The following VEZT variants were observed in gnomAD, a reference collection of about 807,000 sequenced individuals.
The protein encoded by VEZT is vezatin, adherens junctions transmembrane protein.
A neutral mutation model predicts 79.9 loss-of-function variants in VEZT; 39 were observed. The observed-to-expected ratio is 0.49, with a 90% confidence interval of 0.38 to 0.64. The LOEUF is 0.64. Ranked by LOEUF, VEZT falls within the 30% of genes least tolerant of loss-of-function variation. The pLI, the probability that VEZT is intolerant of heterozygous loss-of-function variation, is 0.00. For synonymous variants in VEZT, 325 were observed against 327.6 expected (o/e 0.99, Z 0.09); for missense variants, 837 against 893.1 (o/e 0.94, Z 0.80).
intron 1 of VEZT, chr12:95,218,446 T>G (rs1397329229): frequency 6.6e-6 from 1 of 152,278 alleles, no homozygotes; most frequent in Non-Finnish European, 1.5e-5. Flanking sequence ...TTTTGTCCTT[T>G]GCTGTTGCGC....
chr12:95,235,337 G>T (rs1366240580), intron 1 of VEZT, among the ~76,000 whole-genome samples: 2 of 135,634 alleles, frequency 1.5e-5, no homozygotes, highest in Admixed American at 7.2e-5. Flanking sequence ...GGGCAGAGGG[G>T]CTCCTCACTT....
rs770044834 is a variant in VEZT, at chr12:95,270,144, C to T, written c.804C>T (p.Ala268=). ...AAGCTGTCTACCGAACTCTAAGAGCCAACTTCCAAGCAGCAAGGCTAGCTA... is the reference window on the plus strand; with the variant it reads ...AAGCTGTCTACCGAACTCTAAGAGCTAACTTCCAAGCAGCAAGGCTAGCTA... The part of the protein sequence containing the change: ...LRKAVYRTLR[A]NFQAARLATL... Residue 268 remains alanine (A), a synonymous_variant, in exon 6 of 12, where the codon GCC becomes GCT. Transcript: ENST00000436874. 6 of 1,610,970 alleles carry T rather than the reference C, an allele frequency of 3.7e-6. No homozygotes were observed. The highest frequency in any genetic ancestry group is 4.2e-6 in the Non-Finnish European group (5 of 1,178,738).
chr12:95,232,907 G>T (rs973231238), intron 1 of VEZT, among the ~76,000 whole-genome samples: 1 of 152,050 alleles, frequency 6.6e-6, no homozygotes, highest in African/African-American at 2.4e-5. Flanking sequence ...CCAAGCTCAA[G>T]CGGTCCTCCT....
At chr12:95,247,264 C>A (rs1163875596) in intron 1 of VEZT, among the ~76,000 whole-genome samples, 3 of 152,196 alleles carry the variant, frequency 2.0e-5, no homozygotes, top group Non-Finnish European at 2.9e-5. Context: ...TTTGATACTA[C>A]AATGATCAGA....
intron 3 of VEZT, among the ~76,000 whole-genome samples, chr12:95,261,004 G>GT (rs1431348889): frequency 1.9e-5 from 1 of 53,118 alleles, no homozygotes; most frequent in South Asian, 5.3e-4. Flanking sequence ...TCAGTAGATG[G>GT]TAAAAAAAAA....
chr12:95,254,580 C>A (rs977105197), intron 2 of VEZT, among the ~76,000 whole-genome samples: 5 of 152,052 alleles, frequency 3.3e-5, no homozygotes, highest in African/African-American at 1.2e-4. Flanking sequence ...CTCCTGACCT[C>A]AAGTGATCCG....
chr12:95,297,117 T>C (rs916692043), intron 11 of VEZT, among the ~76,000 whole-genome samples: 1 of 152,204 alleles, frequency 6.6e-6, no homozygotes, highest in Admixed American at 6.5e-5. Context: ...GGGTAGCTGG[T>C]AATACAAAAG....
At chr12:95,288,495 G>A (rs1254920554) in intron 9 of VEZT, among the ~76,000 whole-genome samples, 2 of 152,056 alleles carry the variant, frequency 1.3e-5, no homozygotes, top group Non-Finnish European at 2.9e-5. Flanking sequence ...TAAAAACTGT[G>A]CTGCAAATCA....
At chr12:95,295,317 C>T (rs3794321) in intron 10 of VEZT, among the ~76,000 whole-genome samples, 17,006 of 152,102 alleles carry the variant, frequency 0.11, 1,058 homozygotes, top group East Asian at 0.25. Flanking sequence ...CCTGCCACCG[C>T]GCCTGGCTAA....
At chr12:95,222,104 A>T (rs1384753822) in intron 1 of VEZT, among the ~76,000 whole-genome samples, 1 of 152,198 alleles carries the variant, frequency 6.6e-6, no homozygotes, top group East Asian at 1.9e-4. Context: ...TATACCTCAT[A>T]TATCTTACCT....
intron 1 of VEZT, among the ~76,000 whole-genome samples, chr12:95,230,574 CT>C (rs56104790): frequency 0.53 from 73,032 of 137,018 alleles, 17,741 homozygotes; most frequent in East Asian, 0.63. Flanking sequence ...GTTATCTCTC[CT>C]TTTTTTTTTT....
chr12:95,262,545 G>C (rs1158368114), intron 3 of VEZT: 1 of 161,692 alleles, frequency 6.2e-6, no homozygotes, highest in Non-Finnish European at 1.3e-5. Flanking sequence ...TATTGTTACA[G>C]CTTCAGGGAC....
At chr12:95,218,016 C>A in intron 1 of VEZT, 130 bp downstream of exon 1, 2 of 918,576 alleles carry the variant, frequency 2.2e-6, no homozygotes, top group Non-Finnish European at 3.1e-6. Context: ...CCACCGAACC[C>A]CAGCGATTTC....
At chr12:95,226,485 A>T (rs2058512879) in intron 1 of VEZT, among the ~76,000 whole-genome samples, 1 of 151,938 alleles carries the variant, frequency 6.6e-6, no homozygotes, top group Non-Finnish European at 1.5e-5. Flanking sequence ...ATTGAGACTT[A>T]CCTAGAGAAT....
intron 3 of VEZT, among the ~76,000 whole-genome samples, chr12:95,261,592 G>A (rs566358245): frequency 1.3e-5 from 2 of 152,152 alleles, no homozygotes; most frequent in Admixed American, 1.3e-4. Context: ...TTGTATGTTA[G>A]TAGAGATGGG....
At position 95,262,925 on chromosome 12, in the gene VEZT, A is replaced by T. The variant is rs750904717; in HGVS notation, c.278A>T (p.Asp93Val). ...GGCAAGGATATTGGATTCCGACTCGACTCATTACATACCATCCTGCAACAG... is the reference window on the plus strand; with the variant it reads ...GGCAAGGATATTGGATTCCGACTCGTCTCATTACATACCATCCTGCAACAG... ...LHKLDIGFRL[D>V]SLHTILQQEV... The change falls in exon 4 of 12, where the codon GAC becomes GTC. Residue 93 changes from aspartate to valine, a missense_variant. Transcript: ENST00000436874. The T allele has an allele frequency of 6.9e-6, 11 of 1,600,960 alleles. No individual in the cohort carries two copies. Among genetic ancestry groups the T allele is most frequent in the Non-Finnish European group, 8.5e-6 (10 of 1,170,824 alleles).
Position 95,300,849 on chromosome 12 carries a change from C to A in VEZT, c.*176C>A. The A allele has an allele frequency of 1.2e-6, 1 of 809,578 alleles. No homozygotes were observed. Among genetic ancestry groups the A allele is most frequent in the Non-Finnish European group, 1.7e-6 (1 of 592,064 alleles). The allele number at this position is 809,578 out of a possible 1,614,324, so 50.1% of individuals were successfully genotyped here. A position where few individuals can be genotyped will look rare whatever the true frequency, so the allele number is the denominator to read the frequency against. ...GAAATTAGTAGTTACCTGTAAATGG[C>A]AGATCTTTTAGGAAAATAAGAGAAA... On this transcript the variant is annotated 3_prime_UTR_variant, in exon 12 of 12. Coordinates refer to ENST00000436874, the MANE Select transcript of VEZT (RefSeq NM_017599.4).
chr12:95,234,570 C>T (rs1290808726), intron 1 of VEZT, among the ~76,000 whole-genome samples: 1 of 152,196 alleles, frequency 6.6e-6, no homozygotes, highest in African/African-American at 2.4e-5. Context: ...GCTGGGATTA[C>T]AGACATGAGC....
chr12:95,254,711 G>A lies in VEZT; in HGVS notation c.169-2439G>A, dbSNP rs1229347623. Among the ~76,000 whole-genome samples, 7 of 152,270 alleles carry A rather than the reference G, an allele frequency of 4.6e-5. No homozygotes were observed. In the East Asian group the frequency reaches 7.7e-4, roughly 17 times the overall value. On this transcript the variant is annotated intron_variant, in intron 2 of 11. Coordinates refer to ENST00000436874, the MANE Select transcript of VEZT (RefSeq NM_017599.4). ...TGTTGTATTGTTTAGCTCATTGTCA[G>A]GGAATGTATGTTTAGAATTGCTCCC...
Sources: allele counts gnomAD v4.1 joint callset (sites outside exome capture counted in the v4.1 genomes callset), GRCh38; gene constraint gnomAD v4.1.1; transcripts MANE v1.5; gene names NCBI Gene and HGNC (gene_info 2026-07-23, HGNC 2026-07-21).